The following ATXN7L1 variants were observed in gnomAD, a reference collection of about 807,000 sequenced individuals.
The protein encoded by ATXN7L1 is ataxin-7-like protein 1.
ATXN7L1 carries 15 observed loss-of-function variants against 70.8 expected under a neutral mutation model. The observed-to-expected ratio is 0.21, with a 90% CI of 0.14 to 0.33. The LOEUF is 0.33. Ranked by LOEUF, ATXN7L1 falls within the 10% of genes least tolerant of loss-of-function variation. ATXN7L1 has a pLI of 1.00. For missense variants in ATXN7L1, 975 were observed against 1,097.1 expected (o/e 0.89, Z 1.57); for synonymous variants, 440 against 445.1 (o/e 0.99, Z 0.14).
At position 105,875,626 on chromosome 7, in the gene ATXN7L1, T is replaced by TCCCC. The variant is rs146310508; in HGVS notation, c.250+185_250+186insGGGG. 6.4e-3 allele frequency among the ~76,000 whole-genome samples: 381 copies of TCCCC among 59,446 alleles called. 1 individual carries two copies. The highest frequency in any genetic ancestry group is 0.057 in the East Asian group (43 of 754). The allele number at this position is 59,446 out of a possible 152,430, so 39.0% of individuals were successfully genotyped here. A position where few individuals can be genotyped will look rare whatever the true frequency, so the allele number is the denominator to read the frequency against. On this transcript the variant is annotated intron_variant, in intron 2 of 11. Coordinates refer to ENST00000419735, the MANE Select transcript of ATXN7L1 (RefSeq NM_020725.2). ...TGCCTTCAACAGTCTCACCCCCCTT[T>TCCCC]ACCCCCCCCCCAGTTGTATTTATAC...
At chr7:105,754,344 G>T (rs1448035638) in intron 3 of ATXN7L1, among the ~76,000 whole-genome samples, 1 of 151,922 alleles carries the variant, frequency 6.6e-6, no homozygotes, top group Non-Finnish European at 1.5e-5. Context: ...TTTGCTTCAA[G>T]CTGTTTGTTA....
intron 3 of ATXN7L1, among the ~76,000 whole-genome samples, chr7:105,741,811 G>T (rs968228508): frequency 5.3e-5 from 8 of 152,200 alleles, no homozygotes; most frequent in African/African-American, 1.9e-4. Flanking sequence ...CATAGAGAGT[G>T]ACATGCACAG....
At chr7:105,730,999 A>G (rs1431441786) in intron 3 of ATXN7L1, among the ~76,000 whole-genome samples, 1 of 152,234 alleles carries the variant, frequency 6.6e-6, no homozygotes, top group Non-Finnish European at 1.5e-5. Flanking sequence ...ATCCCTAATC[A>G]GAAAATCCAA....
chr7:105,656,683 G>A (rs1369092833), intron 4 of ATXN7L1, among the ~76,000 whole-genome samples: 1 of 150,318 alleles, frequency 6.7e-6, no homozygotes, highest in East Asian at 2.0e-4. Flanking sequence ...CGATTGTCTT[G>A]CCTCAGCCTC....
intron 2 of ATXN7L1, among the ~76,000 whole-genome samples, chr7:105,834,806 G>C (rs561520373): frequency 6.6e-6 from 1 of 152,250 alleles, no homozygotes; most frequent in African/African-American, 2.4e-5. Flanking sequence ...CTGAGAACGG[G>C]GAGAGGTACT....
Position 105,709,349 on chromosome 7 carries a change from T to A in ATXN7L1, c.356-44061A>T, listed in dbSNP as rs202171690. Among the ~76,000 whole-genome samples, 695 of 131,736 alleles carry A rather than the reference T, an allele frequency of 5.3e-3. 6 individuals carry two copies. Among genetic ancestry groups the A allele is most frequent in the African/African-American group, 0.018 (632 of 35,572 alleles). The allele number at this position is 131,736 out of a possible 152,430, so 86.4% of individuals were successfully genotyped here. On this transcript the variant is annotated intron_variant, in intron 3 of 11. Transcript: ENST00000419735. ...AACTCTGTCTCACAAAAAAAAGAAT[T>A]TTTTTTCTATATTTCCAGTGCTTTG...
intron 2 of ATXN7L1, among the ~76,000 whole-genome samples, chr7:105,803,171 C>G (rs934651604): frequency 6.6e-6 from 1 of 152,266 alleles, no homozygotes; most frequent in Non-Finnish European, 1.5e-5. Flanking sequence ...GGGCTTCACT[C>G]TCCACCTGCC....
chr7:105,784,908 T>C (rs1403513698), intron 3 of ATXN7L1, among the ~76,000 whole-genome samples: 4 of 152,178 alleles, frequency 2.6e-5, no homozygotes, highest in East Asian at 3.8e-4. Context: ...TGAAAAAAGT[T>C]AGGAGAAGGC....
intron 3 of ATXN7L1, among the ~76,000 whole-genome samples, chr7:105,723,767 T>C (rs1347143779): frequency 6.6e-6 from 1 of 152,168 alleles, no homozygotes; most frequent in Non-Finnish European, 1.5e-5. Flanking sequence ...TTGTGGATTC[T>C]AGCTCCATCT....
chr7:105,612,622 A>C (rs1446928198), intron 10 of ATXN7L1, among the ~76,000 whole-genome samples: 1 of 152,030 alleles, frequency 6.6e-6, no homozygotes, highest in African/African-American at 2.4e-5. Flanking sequence ...CCCCTCCCTC[A>C]CACCCCTGGC....
At chr7:105,740,704 G>A (rs1216775750) in intron 3 of ATXN7L1, among the ~76,000 whole-genome samples, 1 of 151,236 alleles carries the variant, frequency 6.6e-6, no homozygotes, top group African/African-American at 2.4e-5. Context: ...TTAGCAGCTT[G>A]TTGTGAGGAT....
At chr7:105,800,087 T>A (rs181085969) in intron 2 of ATXN7L1, among the ~76,000 whole-genome samples, 4 of 151,932 alleles carry the variant, frequency 2.6e-5, no homozygotes, top group Non-Finnish European at 4.4e-5. Context: ...GAATTAAAAC[T>A]CCCCCATAGA....
At chr7:105,833,658 C>T (rs1016169325) in intron 2 of ATXN7L1, among the ~76,000 whole-genome samples, 5 of 152,180 alleles carry the variant, frequency 3.3e-5, no homozygotes, top group African/African-American at 1.2e-4. Flanking sequence ...AACATTTGTA[C>T]ATTTCACTGT....
chr7:105,869,232 C>G (rs1044709812), intron 2 of ATXN7L1, among the ~76,000 whole-genome samples: 1 of 152,080 alleles, frequency 6.6e-6, no homozygotes, highest in East Asian at 1.9e-4. Context: ...TAATGTAACG[C>G]CAAAGTGAAC....
chr7:105,725,796 G>A (rs1795736529), intron 3 of ATXN7L1, among the ~76,000 whole-genome samples: 1 of 151,988 alleles, frequency 6.6e-6, no homozygotes, highest in South Asian at 2.1e-4. Flanking sequence ...GGCCAGGCTG[G>A]TCTCGAACTC....
At chr7:105,734,467 C>T (rs887509071) in intron 3 of ATXN7L1, among the ~76,000 whole-genome samples, 1 of 152,198 alleles carries the variant, frequency 6.6e-6, no homozygotes, top group Non-Finnish European at 1.5e-5. Flanking sequence ...TCAGGACAGG[C>T]AGCCCAGCTC....
intron 3 of ATXN7L1, among the ~76,000 whole-genome samples, chr7:105,677,605 G>A (rs544319213): frequency 2.6e-5 from 4 of 152,326 alleles, no homozygotes; most frequent in African/African-American, 9.6e-5. Context: ...TTGATAACAT[G>A]TAGAAGGTGG....
intron 3 of ATXN7L1, among the ~76,000 whole-genome samples, chr7:105,687,913 G>T (rs976224444): frequency 1.3e-5 from 2 of 152,104 alleles, no homozygotes; most frequent in African/African-American, 4.8e-5. Context: ...TCACCCCAAG[G>T]CTTTAGTCAT....
chr7:105,802,584 T>C (rs1012839340), intron 2 of ATXN7L1, among the ~76,000 whole-genome samples: 1 of 152,056 alleles, frequency 6.6e-6, no homozygotes, highest in Admixed American at 6.5e-5. Context: ...GTTTGAAAAA[T>C]CTATTTTTGT....
Sources: allele counts gnomAD v4.1 joint callset (sites outside exome capture counted in the v4.1 genomes callset), GRCh38; gene constraint gnomAD v4.1.1; transcripts MANE v1.5; gene names NCBI Gene and HGNC (gene_info 2026-07-23, HGNC 2026-07-21).